The following GRID1 variants were observed in gnomAD, a reference collection of about 807,000 sequenced individuals.
GRID1 encodes glutamate receptor ionotropic, delta-1.
Under a neutral mutation model 98.0 loss-of-function variants are expected in GRID1, and 28 were observed. The observed-to-expected ratio is 0.29, with a 90% CI of 0.21 to 0.39. The LOEUF (loss-of-function observed/expected upper bound fraction) is 0.39. Among genes scored for constraint, GRID1 ranks in the 10% least tolerant of loss-of-function variants. The pLI is 1.00. For missense variants in GRID1, 1,111 were observed against 1,340.5 expected (o/e 0.83, Z 2.67); for synonymous variants, 553 against 538.5 (o/e 1.03, Z -0.37).
At chr10:86,121,716 A>T (rs1478244266) in intron 4 of GRID1, among the ~76,000 whole-genome samples, 2 of 152,036 alleles carry the variant, frequency 1.3e-5, no homozygotes, top group Non-Finnish European at 2.9e-5. Flanking sequence ...TATCCTAAAC[A>T]CTTCAAATGA....
chr10:86,224,682 A>C (rs1846312565), intron 2 of GRID1, among the ~76,000 whole-genome samples: 1 of 152,284 alleles, frequency 6.6e-6, no homozygotes, highest in Admixed American at 6.5e-5. Context: ...TGCTATCCTT[A>C]GTGCACCCAG....
chr10:86,069,034 G>C (rs534463087), intron 4 of GRID1, among the ~76,000 whole-genome samples: 3 of 152,138 alleles, frequency 2.0e-5, no homozygotes, highest in Non-Finnish European at 2.9e-5. Context: ...CAATTTCCTG[G>C]AGAAGCTGTG....
chr10:85,656,398 C>T (rs573950301), intron 12 of GRID1, among the ~76,000 whole-genome samples: 15 of 152,274 alleles, frequency 9.9e-5, no homozygotes, highest in African/African-American at 2.6e-4. Context: ...CCCTGGGTTG[C>T]AGGACTTTTG....
chr10:85,833,494 T>C (rs1842886870), intron 8 of GRID1, among the ~76,000 whole-genome samples: 2 of 149,650 alleles, frequency 1.3e-5, no homozygotes, highest in African/African-American at 4.9e-5. Context: ...CAGACATGTG[T>C]GCTAAAACTA....
intron 2 of GRID1, among the ~76,000 whole-genome samples, chr10:86,345,745 C>T (rs1189412593): frequency 2.0e-5 from 3 of 152,168 alleles, no homozygotes; most frequent in African/African-American, 7.2e-5. Context: ...GGCCCACATC[C>T]TAGATCCTTT....
intron 4 of GRID1, among the ~76,000 whole-genome samples, chr10:86,009,669 C>A (rs1842903082): frequency 1.3e-5 from 2 of 152,200 alleles, no homozygotes; most frequent in African/African-American, 4.8e-5. Flanking sequence ...GTTTTCCCAA[C>A]ACTGTTTATG....
chr10:86,211,130 A>G (rs1413070465), intron 2 of GRID1, among the ~76,000 whole-genome samples: 1 of 152,220 alleles, frequency 6.6e-6, no homozygotes, highest in East Asian at 1.9e-4. Flanking sequence ...CATGTGTGCC[A>G]TGAAAGGTCT....
intron 10 of GRID1, among the ~76,000 whole-genome samples, chr10:85,726,278 C>T (rs944134952): frequency 3.3e-5 from 5 of 151,478 alleles, no homozygotes; most frequent in African/African-American, 4.9e-5. Context: ...TCTTAGGTAG[C>T]TCAAGAAGAA....
At chr10:86,274,980 G>A (rs1272644425) in intron 2 of GRID1, among the ~76,000 whole-genome samples, 2 of 152,228 alleles carry the variant, frequency 1.3e-5, no homozygotes, top group African/African-American at 4.8e-5. Context: ...GGGCATCCCT[G>A]TCTTGTAGGC....
chr10:86,022,591 C>A (rs916469397), intron 4 of GRID1, among the ~76,000 whole-genome samples: 3 of 152,070 alleles, frequency 2.0e-5, no homozygotes, highest in Admixed American at 6.5e-5. Context: ...TAGCTCAAGG[C>A]CACTAATCTA....
chr10:86,142,665 T>C (rs1331086812), intron 3 of GRID1, among the ~76,000 whole-genome samples: 4 of 152,250 alleles, frequency 2.6e-5, no homozygotes, highest in African/African-American at 9.6e-5. Flanking sequence ...AGACTGGCCA[T>C]GTCTACAGAG....
chr10:86,162,407 G>C (rs1845336403), intron 3 of GRID1, among the ~76,000 whole-genome samples: 1 of 152,124 alleles, frequency 6.6e-6, no homozygotes, highest in Admixed American at 6.5e-5. Context: ...GCCACCCAAA[G>C]CCCAGCCACA....
intron 3 of GRID1, among the ~76,000 whole-genome samples, chr10:86,139,806 T>C (rs1844985773): frequency 6.6e-6 from 1 of 152,130 alleles, no homozygotes; most frequent in Admixed American, 6.5e-5. Context: ...GGATGGACGA[T>C]TCAACAAGAA....
intron 8 of GRID1, among the ~76,000 whole-genome samples, chr10:85,743,064 T>A (rs939859547): frequency 2.2e-4 from 24 of 109,392 alleles, no homozygotes; most frequent in Non-Finnish European, 7.3e-5. Flanking sequence ...CAAAAATATC[T>A]CCAGACATTG....
intron 4 of GRID1, among the ~76,000 whole-genome samples, chr10:85,997,540 T>G (rs1181055584): frequency 6.6e-6 from 1 of 152,224 alleles, no homozygotes; most frequent in East Asian, 1.9e-4. Flanking sequence ...GTATGCATAT[T>G]GTAATCTCCA....
At chr10:85,619,174 C>T (rs1842828168) in intron 14 of GRID1, among the ~76,000 whole-genome samples, 1 of 152,148 alleles carries the variant, frequency 6.6e-6, no homozygotes, top group African/African-American at 2.4e-5. Flanking sequence ...GACAGGAGCC[C>T]CTGTTTGCAG....
rs1841202162 is a variant in GRID1 at position 85,891,692 on chromosome 10, G to C, written c.781-22512C>G. ...AGACTAAAGAGATCTGCATAACAAA[G>C]CTCCAAAGCAAGTCTTGAAACATCA... On this transcript the variant is annotated intron_variant, in intron 5 of 15. Transcript: ENST00000327946. Among the ~76,000 whole-genome samples, 2 of 152,068 alleles carry C rather than the reference G, an allele frequency of 1.3e-5. 1 individual carries two copies. The highest frequency in any genetic ancestry group is 4.1e-4 in the South Asian group (2 of 4,836).
intron 4 of GRID1, among the ~76,000 whole-genome samples, chr10:86,092,009 C>T (rs1369299522): frequency 6.6e-6 from 1 of 152,172 alleles, no homozygotes; most frequent in African/African-American, 2.4e-5. Context: ...TAGACCTTCC[C>T]TCTGACAGAC....
intron 4 of GRID1, among the ~76,000 whole-genome samples, chr10:85,977,789 A>G (rs1320471937): frequency 6.6e-6 from 1 of 151,624 alleles, no homozygotes; most frequent in Non-Finnish European, 1.5e-5. Context: ...CCAGTTGAAG[A>G]CCTCCCCGCC....
Sources: allele counts gnomAD v4.1 joint callset (sites outside exome capture counted in the v4.1 genomes callset), GRCh38; gene constraint gnomAD v4.1.1; transcripts MANE v1.5; gene names NCBI Gene and HGNC (gene_info 2026-07-23, HGNC 2026-07-21).